Variants in SEC14L3 observed in about 807,000 individuals in gnomAD.
SEC14L3 encodes SEC14-like protein 3.
Under a neutral mutation model 57.4 loss-of-function variants are expected in SEC14L3, and 56 were observed. That is an observed-to-expected ratio of 0.97 (90% confidence interval 0.79 to 1.22). The LOEUF (loss-of-function observed/expected upper bound fraction) is 1.22. Ranked by LOEUF, SEC14L3 falls within the 50% of genes most tolerant of loss-of-function variation. SEC14L3 has a pLI of 0.00. For missense variants in SEC14L3, 485 were observed against 511.7 expected (o/e 0.95, Z 0.50); for synonymous variants, 173 against 194.4 (o/e 0.89, Z 0.92).
chr22:30,461,487 G>A lies in SEC14L3; in HGVS notation c.912-8C>T, dbSNP rs1439956188. The A allele has an allele frequency of 1.2e-6, 2 of 1,611,418 alleles. No homozygotes were observed. The highest frequency in any genetic ancestry group is 2.7e-5 in the African/African-American group (2 of 74,864). Reference sequence around the variant, plus strand: ...TCAGATGAGAACTGCCACCTGTCAGGGGGAGGGGGAGGAGACAGGTTGCTG... The same window carrying A: ...TCAGATGAGAACTGCCACCTGTCAGAGGGAGGGGGAGGAGACAGGTTGCTG... On this transcript the variant is annotated splice_region_variant and splice_polypyrimidine_tract_variant and intron_variant, in intron 10 of 11. Transcript: ENST00000215812.
intron 8 of SEC14L3, among the ~76,000 whole-genome samples, chr22:30,463,635 G>A (rs1481975837): frequency 1.3e-5 from 2 of 152,128 alleles, no homozygotes; most frequent in African/African-American, 4.8e-5. Context: ...GAGAAAGTAA[G>A]GATTTATAAG....
intron 5 of SEC14L3, 88 bp from the exon 6 acceptor site, chr22:30,467,165 C>T (rs1259397167): frequency 6.3e-7 from 1 of 1,575,376 alleles, no homozygotes; most frequent in Non-Finnish European, 8.6e-7. Flanking sequence ...CTTGGGGCTT[C>T]TTCTAGACCC....
chr22:30,452,016 A>AAAG (rs1934995583), intron 12 of SEC14L3, among the ~76,000 whole-genome samples: 1 of 146,432 alleles, frequency 6.8e-6, no homozygotes, highest in East Asian at 2.1e-4. Context: ...AAAAGAAAAA[A>AAAG]GAAAAGAAAA....
intron 11 of SEC14L3, 165 bp from the exon 12 acceptor site, chr22:30,460,307 A>G (rs1935213270): frequency 1.0e-6 from 1 of 984,182 alleles, no homozygotes; most frequent in Admixed American, 6.1e-5. Context: ...CTGCCAACCC[A>G]AGCAGGTCCT....
intron 7 of SEC14L3, among the ~76,000 whole-genome samples, chr22:30,465,361 C>G (rs762958000): frequency 3.3e-5 from 5 of 152,180 alleles, no homozygotes; most frequent in Non-Finnish European, 5.9e-5. Context: ...AACCACTCAA[C>G]TAACTGTGTT....
At chr22:30,457,686 C>CT (rs61332192), downstream of SEC14L3, among the ~76,000 whole-genome samples, 454 of 146,120 alleles carry the variant, frequency 3.1e-3, 1 homozygote, top group Non-Finnish European at 5.3e-3. Flanking sequence ...CCTGGCCATG[C>CT]TTTTTTTTTT....
In SEC14L3 at chr22:30,459,989, G is replaced by A; in HGVS notation, c.*32C>T. Reference sequence around the variant, plus strand: ...AGGATATAAACAGAGAAATCAAAGGGTTAGGAGGTCTCTGAGAAATGAGGG... The same window carrying A: ...AGGATATAAACAGAGAAATCAAAGGATTAGGAGGTCTCTGAGAAATGAGGG... On this transcript the variant is annotated 3_prime_UTR_variant, in exon 12 of 12. Coordinates refer to ENST00000215812, the MANE Select transcript of SEC14L3 (RefSeq NM_174975.5). 6.2e-7 allele frequency: 1 copy of A among 1,611,952 alleles called. No individual in the cohort carries two copies.
chr22:30,451,284 C>T (rs762833965), intron 12 of SEC14L3, among the ~76,000 whole-genome samples: 3 of 151,832 alleles, frequency 2.0e-5, no homozygotes, highest in Non-Finnish European at 2.9e-5. Flanking sequence ...GGCAGGGGAG[C>T]GTGAAGAGAT....
chr22:30,462,469 T>A (rs1935298270), intron 8 of SEC14L3, among the ~76,000 whole-genome samples: 1 of 152,158 alleles, frequency 6.6e-6, no homozygotes, highest in Non-Finnish European at 1.5e-5. Context: ...TGCAGTGGAA[T>A]GATCATGGCT....
intron 7 of SEC14L3, 62 bp from the exon 8 acceptor site, chr22:30,464,965 A>T: frequency 6.2e-7 from 1 of 1,610,312 alleles, no homozygotes; most frequent in Non-Finnish European, 8.5e-7. Flanking sequence ...CCCCCTCCAT[A>T]ATGGTTATAG....
chr22:30,455,565 T>C (rs1935106220), downstream of SEC14L3, among the ~76,000 whole-genome samples: 8 of 152,212 alleles, frequency 5.3e-5, 1 homozygote, highest in South Asian at 1.7e-3. Context: ...AACCTTGTGC[T>C]TTTTGGTACT....
downstream of SEC14L3, among the ~76,000 whole-genome samples, chr22:30,455,986 G>A (rs181563944): frequency 4.6e-5 from 7 of 152,280 alleles, no homozygotes; most frequent in African/African-American, 1.2e-4. Context: ...GAATGAGGGG[G>A]CTGTGTTAGT....
In SEC14L3 at chr22:30,462,100, TG is replaced by T. The variant is rs1425455366; in HGVS notation, c.756del (p.Lys253AsnfsTer3). On this transcript the variant is annotated frameshift_variant, in exon 9 of 12. Coordinates refer to ENST00000215812, the MANE Select transcript of SEC14L3 (RefSeq NM_174975.5). LOFTEE classifies it high-confidence loss of function. Reference sequence around the variant, plus strand: ...GCTCTTTGTACCTTGGTTAAACATTTGGGGTTCCCATCTGGGTCAGTCAGGG... The same window carrying T: ...GCTCTTTGTACCTTGGTTAAACATTTGGGTTCCCATCTGGGTCAGTCAGGG... ...GGTLTDPDGNPKCLTKINYGG... is the reference protein window; with the variant it reads ...GGTLTDPDGNXKCLTKINYGG... 1.2e-6 allele frequency: 2 copies of T among 1,614,036 alleles called. No homozygotes were observed. Among genetic ancestry groups the T allele is most frequent in the African/African-American group, 2.7e-5 (2 of 74,930 alleles).
At chr22:30,458,742 G>T (rs559597754), downstream of SEC14L3, among the ~76,000 whole-genome samples, 12 of 152,298 alleles carry the variant, frequency 7.9e-5, no homozygotes, top group East Asian at 2.3e-3. Flanking sequence ...CAGGCATGGT[G>T]GCTGAGGCCT....
Position 30,467,082 on chromosome 22 carries a change from A to G in SEC14L3, c.424-5T>C. 5.0e-6 allele frequency: 8 copies of G among 1,613,992 alleles called. No individual in the cohort carries two copies. Among genetic ancestry groups the G allele is most frequent in the Non-Finnish European group, 6.8e-6 (8 of 1,179,896 alleles). On this transcript the variant is annotated splice_polypyrimidine_tract_variant and splice_region_variant and intron_variant, in intron 5 of 11. Coordinates refer to ENST00000215812, the MANE Select transcript of SEC14L3 (RefSeq NM_174975.5). ...GGTCTCAATCTTCTTCCCTAGCTGC[A>G]AGGATGAGAGCAAGAAGTAGTTCTG...
Position 30,462,206 on chromosome 22 carries a change from G to A in SEC14L3, c.665-14C>T. 6.2e-7 allele frequency: 1 copy of A among 1,607,872 alleles called. No individual in the cohort carries two copies. The highest frequency in any genetic ancestry group is 1.1e-5 in the South Asian group (1 of 89,914). ...CCTTCCAGTTATCTGGGAGCAGTGG[G>A]ATTCAAGGGTGGTTAGCAAGCATGG... On this transcript the variant is annotated splice_polypyrimidine_tract_variant and intron_variant, in intron 8 of 11. Coordinates refer to ENST00000215812, the MANE Select transcript of SEC14L3 (RefSeq NM_174975.5).
exon 13 of SEC14L3, chr22:30,448,841 A>C (rs1239545452): frequency 4.5e-6 from 2 of 445,838 alleles, no homozygotes; most frequent in Non-Finnish European, 8.1e-6. Context: ...GCAGTGAGCT[A>C]TGATCGCACC....
intron 4 of SEC14L3, among the ~76,000 whole-genome samples, chr22:30,469,222 A>G (rs1935523783): frequency 1.3e-5 from 2 of 151,972 alleles, no homozygotes; most frequent in South Asian, 4.2e-4. Flanking sequence ...GAGGTGGGAG[A>G]ATCACTTGAG....
At chr22:30,463,158 T>G (rs1935318654) in intron 8 of SEC14L3, among the ~76,000 whole-genome samples, 1 of 152,224 alleles carries the variant, frequency 6.6e-6, no homozygotes, top group South Asian at 2.1e-4. Flanking sequence ...TGTAAGTAAG[T>G]GGCATGCCCA....
Sources: gnomAD v4.1 joint callset for allele counts (sites outside exome capture counted in the v4.1 genomes callset) on GRCh38, gnomAD v4.1.1 for gene constraint, MANE v1.5 for transcripts, NCBI Gene and HGNC (gene_info 2026-07-23, HGNC 2026-07-21) for gene names.